Variants in DOK5 observed in about 807,000 individuals in gnomAD.
DOK5 encodes docking protein 5.
A neutral mutation model predicts 43.3 loss-of-function variants in DOK5; 27 were observed. That is an observed-to-expected ratio of 0.62 (90% CI 0.46 to 0.86). DOK5 has a LOEUF of 0.86. Among genes scored for constraint, DOK5 ranks in the 40% least tolerant of loss-of-function variants. The pLI is 0.00. For missense variants in DOK5, 373 were observed against 392.9 expected, an observed-to-expected ratio of 0.95 and a Z score of 0.43; for synonymous variants, 146 against 140.1, an observed-to-expected ratio of 1.04 and a Z score of -0.30.
rs1458014280 is a variant in DOK5 at position 54,508,484 on chromosome 20, A to G, written c.66+32472A>G. Among the ~76,000 whole-genome samples, 3 of 150,932 alleles carry G rather than the reference A, an allele frequency of 2.0e-5. No individual in the cohort carries two copies. The East Asian group carries it at 5.8e-4, about 29-fold the overall frequency. ...TATATCTGGAGGGTGGAAATAAGGA[A>G]GTGGGTAAGGTGATGGTGAGGGAGT... On this transcript the variant is annotated intron_variant, in intron 1 of 7. Transcript: ENST00000262593.
At chr20:54,486,643 C>T (rs1484533036) in intron 1 of DOK5, among the ~76,000 whole-genome samples, 1 of 152,096 alleles carries the variant, frequency 6.6e-6, no homozygotes, top group East Asian at 1.9e-4. Flanking sequence ...AAGTTTGAGA[C>T]TCACACTTTA....
intron 2 of DOK5, among the ~76,000 whole-genome samples, chr20:54,560,202 C>G (rs976195790): frequency 2.0e-5 from 3 of 152,210 alleles, no homozygotes; most frequent in Non-Finnish European, 2.9e-5. Context: ...AACATTTCCT[C>G]TTCCGATACA....
chr20:54,540,445 A>G (rs1984113472), intron 1 of DOK5, among the ~76,000 whole-genome samples: 1 of 152,174 alleles, frequency 6.6e-6, no homozygotes, highest in Admixed American at 6.5e-5. Context: ...GCAAATCACC[A>G]CCTAGCTGGA....
At chr20:54,565,077 C>G in intron 2 of DOK5, among the ~76,000 whole-genome samples, 1 of 152,126 alleles carries the variant, frequency 6.6e-6, no homozygotes, top group Admixed American at 6.5e-5. Context: ...TTGAATACTC[C>G]ATGCTTCTCA....
At chr20:54,538,030 G>C (rs1984016825) in intron 1 of DOK5, among the ~76,000 whole-genome samples, 1 of 151,388 alleles carries the variant, frequency 6.6e-6, no homozygotes, top group Non-Finnish European at 1.5e-5. Context: ...GTAGAGACGG[G>C]GTTTCACCAT....
chr20:54,570,965 A>G (rs1985263207), intron 2 of DOK5, among the ~76,000 whole-genome samples: 1 of 152,228 alleles, frequency 6.6e-6, no homozygotes, highest in Admixed American at 6.5e-5. Context: ...GCTGTTAAAC[A>G]TTTATTTCAA....
intron 1 of DOK5, among the ~76,000 whole-genome samples, chr20:54,534,969 G>A (rs1253056999): frequency 1.3e-5 from 2 of 152,134 alleles, no homozygotes; most frequent in Non-Finnish European, 2.9e-5. Flanking sequence ...GAGTAGCTGG[G>A]ATTACAGGCA....
chr20:54,635,076 T>G (rs542894204), intron 6 of DOK5, among the ~76,000 whole-genome samples: 67 of 152,128 alleles, frequency 4.4e-4, no homozygotes, highest in Non-Finnish European at 8.8e-4. Context: ...GGGTCAGACA[T>G]GCCTCATGAT....
chr20:54,507,114 A>C (rs13045691), intron 1 of DOK5, among the ~76,000 whole-genome samples: 3,062 of 152,336 alleles, frequency 0.02, 46 homozygotes, highest in Non-Finnish European at 0.032. Context: ...ATATTTTTTG[A>C]GTACTTATTA....
At chr20:54,521,515 C>T (rs1037778747) in intron 1 of DOK5, among the ~76,000 whole-genome samples, 1 of 152,148 alleles carries the variant, frequency 6.6e-6, no homozygotes. Context: ...AAGGATTCGA[C>T]TCAGGAACAG....
intron 1 of DOK5, among the ~76,000 whole-genome samples, chr20:54,552,819 G>A (rs977122640): frequency 6.6e-6 from 1 of 152,120 alleles, no homozygotes; most frequent in African/African-American, 2.4e-5. Context: ...CCTGAACAAA[G>A]CAGTTAATTT....
chr20:54,643,776 T>C (rs1979241660), intron 7 of DOK5, among the ~76,000 whole-genome samples, 198 bp downstream of exon 7: 1 of 152,204 alleles, frequency 6.6e-6, no homozygotes, highest in South Asian at 2.1e-4. Context: ...GAGATATTTG[T>C]ATCTATCACA....
intron 5 of DOK5, among the ~76,000 whole-genome samples, chr20:54,609,604 T>C (rs951746217): frequency 1.3e-5 from 2 of 151,996 alleles, no homozygotes; most frequent in Admixed American, 1.3e-4. Flanking sequence ...TATATACACA[T>C]ACATATACTA....
intron 5 of DOK5, among the ~76,000 whole-genome samples, chr20:54,607,926 CAAAGT>C (rs1315792147): frequency 1.4e-5 from 2 of 146,334 alleles, no homozygotes; most frequent in Non-Finnish European, 3.0e-5. Flanking sequence ...CAAAACAAAA[CAAAGT>C]GGGCATTGGG....
At chr20:54,540,010 G>T (rs1236557744) in intron 1 of DOK5, among the ~76,000 whole-genome samples, 1 of 152,192 alleles carries the variant, frequency 6.6e-6, no homozygotes, top group Non-Finnish European at 1.5e-5. Context: ...AGTGAAGTAG[G>T]AAGTGGTGGG....
At chr20:54,544,734 G>A (rs1025440368) in intron 1 of DOK5, among the ~76,000 whole-genome samples, 2 of 152,106 alleles carry the variant, frequency 1.3e-5, no homozygotes, top group African/African-American at 4.8e-5. Context: ...AAACAGTCCT[G>A]TGTACTGAGT....
chr20:54,536,850 C>T (rs1049560386), intron 1 of DOK5, among the ~76,000 whole-genome samples: 10 of 152,194 alleles, frequency 6.6e-5, no homozygotes, highest in African/African-American at 2.4e-4. Context: ...CTGTGAAGGC[C>T]GAGTCAGGAG....
At chr20:54,513,659 TGAA>T (rs1983092656) in intron 1 of DOK5, among the ~76,000 whole-genome samples, 1 of 152,234 alleles carries the variant, frequency 6.6e-6, no homozygotes, top group African/African-American at 2.4e-5. Context: ...TTATTAAAGT[TGAA>T]GAAGAGTGGG....
At chr20:54,622,019 C>T (rs1986987810) in intron 6 of DOK5, among the ~76,000 whole-genome samples, 1 of 152,080 alleles carries the variant, frequency 6.6e-6, no homozygotes, top group South Asian at 2.1e-4. Context: ...TATGCTGAAA[C>T]CCCGTCTCTA....
Sources: gnomAD v4.1 joint callset for allele counts (sites outside exome capture counted in the v4.1 genomes callset) on GRCh38, gnomAD v4.1.1 for gene constraint, MANE v1.5 for transcripts, NCBI Gene and HGNC (gene_info 2026-07-23, HGNC 2026-07-21) for gene names.